Variants in PRELID2 observed in about 807,000 individuals in gnomAD.
PRELID2 encodes the protein PRELI domain-containing protein 2.
PRELID2 carries 25 observed loss-of-function variants against 28.4 expected under a neutral mutation model. The observed-to-expected ratio is 0.88, with a 90% confidence interval of 0.64 to 1.23. The LOEUF is 1.23. Among genes scored for constraint, PRELID2 ranks in the 50% most tolerant of loss-of-function variants. The pLI is 0.00. For missense variants in PRELID2, 201 were observed against 214.4 expected (o/e 0.94, Z 0.39); for synonymous variants, 76 against 71.6 (o/e 1.06, Z -0.31).
chr5:145,323,052 A>C, the PRELID2 span, among the ~76,000 whole-genome samples: 224 of 152,308 alleles, frequency 1.5e-3, no homozygotes, highest in African/African-American at 5.4e-3. Context: ...GCTAAGAAGC[A>C]CACTACAGGG....
intron 1 of PRELID2, among the ~76,000 whole-genome samples, chr5:145,536,852 T>C (rs1752703243): frequency 6.6e-6 from 1 of 151,900 alleles, no homozygotes; most frequent in Non-Finnish European, 1.5e-5. Context: ...GTATATTTCA[T>C]AAGGGTGTAG....
intron 1 of PRELID2, among the ~76,000 whole-genome samples, chr5:145,737,290 T>C (rs1756522610): frequency 6.6e-6 from 1 of 151,924 alleles, no homozygotes. Flanking sequence ...TGGCTCAGAA[T>C]GAGCATCTCA....
At chr5:145,817,864 A>C (rs1384166165) in intron 4 of PRELID2, 30 bp downstream of exon 4, 6 of 1,477,196 alleles carry the variant, frequency 4.1e-6, no homozygotes, top group African/African-American at 1.4e-5. Flanking sequence ...CTGCAACCAA[A>C]ACACACACAC....
At chr5:145,713,387 T>C (rs1055014335) in intron 1 of PRELID2, among the ~76,000 whole-genome samples, 3 of 145,244 alleles carry the variant, frequency 2.1e-5, no homozygotes, top group African/African-American at 7.6e-5. Flanking sequence ...ATTATATATA[T>C]ATAATGATAT....
At chr5:145,551,017 G>T (rs1272435239) in intron 1 of PRELID2, among the ~76,000 whole-genome samples, 1 of 152,046 alleles carries the variant, frequency 6.6e-6, no homozygotes, top group Non-Finnish European at 1.5e-5. Context: ...ATATTATCGA[G>T]AATAAATGTT....
At chr5:145,275,423 C>T in the PRELID2 span, among the ~76,000 whole-genome samples, 1 of 152,000 alleles carries the variant, frequency 6.6e-6, no homozygotes, top group Non-Finnish European at 1.5e-5. Context: ...AAGCTTTAAG[C>T]TACAACCGGA....
intron 1 of PRELID2, among the ~76,000 whole-genome samples, chr5:145,738,087 C>T (rs1367013592): frequency 3.3e-5 from 5 of 152,182 alleles, no homozygotes; most frequent in African/African-American, 1.2e-4. Context: ...GAAACCAGAA[C>T]TCCCACTCCC....
At chr5:145,634,322 C>A (rs946899740) in intron 1 of PRELID2, among the ~76,000 whole-genome samples, 1 of 152,136 alleles carries the variant, frequency 6.6e-6, no homozygotes, top group Admixed American at 6.5e-5. Flanking sequence ...GCTGCAAATT[C>A]TCTCAGGCCT....
At chr5:145,823,560 C>T (rs554617963) in intron 1 of PRELID2, among the ~76,000 whole-genome samples, 8 of 152,286 alleles carry the variant, frequency 5.3e-5, no homozygotes, top group South Asian at 2.1e-4. Context: ...CTTTCAGATA[C>T]GGAAACTGAA....
At chr5:145,577,051 C>A (rs1023000275) in intron 1 of PRELID2, among the ~76,000 whole-genome samples, 15 of 152,130 alleles carry the variant, frequency 9.9e-5, no homozygotes, top group African/African-American at 3.6e-4. Context: ...TGGTTCCAGG[C>A]TTAGGGACCC....
At chr5:145,284,032 T>G in the PRELID2 span, among the ~76,000 whole-genome samples, 15 of 152,290 alleles carry the variant, frequency 9.8e-5, no homozygotes, top group African/African-American at 3.6e-4. Context: ...TGGTTTAAAA[T>G]CCGGCTTACT....
At chr5:145,454,758 T>C in the PRELID2 span, among the ~76,000 whole-genome samples, 1 of 152,236 alleles carries the variant, frequency 6.6e-6, no homozygotes, top group African/African-American at 2.4e-5. Flanking sequence ...TTCATGTTTG[T>C]TGGTCACATA....
chr5:145,272,496 C>A, the PRELID2 span, among the ~76,000 whole-genome samples: 1 of 152,074 alleles, frequency 6.6e-6, no homozygotes, highest in Non-Finnish European at 1.5e-5. Context: ...GTTCATATAA[C>A]ACACAGCGCT....
At chr5:145,499,132 T>C (rs1752336236) in intron 1 of PRELID2, among the ~76,000 whole-genome samples, 2 of 152,052 alleles carry the variant, frequency 1.3e-5, no homozygotes, top group Admixed American at 6.6e-5. Flanking sequence ...CTTGTAGTTC[T>C]AGCTACTTGG....
At chr5:145,640,704 C>T (rs1440091891) in intron 1 of PRELID2, among the ~76,000 whole-genome samples, 1 of 151,460 alleles carries the variant, frequency 6.6e-6, no homozygotes, top group Non-Finnish European at 1.5e-5. Context: ...AAAGGCAAGG[C>T]CAAGTGTCTT....
At chr5:145,351,993 G>T in the PRELID2 span, among the ~76,000 whole-genome samples, 1 of 152,312 alleles carries the variant, frequency 6.6e-6, no homozygotes, top group Admixed American at 6.5e-5. Context: ...CTCCACCCCT[G>T]TGGCTTTGCA....
At chr5:145,436,221 T>A in the PRELID2 span, among the ~76,000 whole-genome samples, 52 of 152,300 alleles carry the variant, frequency 3.4e-4, no homozygotes, top group Non-Finnish European at 1.2e-4. Flanking sequence ...TCACTTAGGA[T>A]AATGGCCTCC....
chr5:145,333,667 A>C, the PRELID2 span, among the ~76,000 whole-genome samples: 1 of 152,174 alleles, frequency 6.6e-6, no homozygotes, highest in Non-Finnish European at 1.5e-5. Flanking sequence ...CTTTGCTGGC[A>C]GCGAGAATTT....
the PRELID2 span, among the ~76,000 whole-genome samples, chr5:145,399,928 C>T: frequency 1.3e-5 from 2 of 152,284 alleles, no homozygotes; most frequent in African/African-American, 4.8e-5. Context: ...CAGGAAAGAC[C>T]TGCTCCCATT....
Sources: allele counts gnomAD v4.1 joint callset (sites outside exome capture counted in the v4.1 genomes callset), GRCh38; gene constraint gnomAD v4.1.1; transcripts MANE v1.5; gene names NCBI Gene and HGNC (gene_info 2026-07-23, HGNC 2026-07-21).